Variants in ADGRA2 observed in about 807,000 individuals in gnomAD.
ADGRA2 encodes G-protein coupled receptor 124.
Under a neutral mutation model 98.7 loss-of-function variants are expected in ADGRA2, and 61 were observed. The ratio of observed to expected loss-of-function variants is 0.62; its 90% CI spans 0.50 to 0.76. The LOEUF (loss-of-function observed/expected upper bound fraction) is 0.76. Among genes scored for constraint, ADGRA2 ranks in the 30% least tolerant of loss-of-function variants. The pLI, the probability that ADGRA2 is intolerant of heterozygous loss-of-function variation, is 0.00. For synonymous variants in ADGRA2, 858 were observed against 831.5 expected, an observed-to-expected ratio of 1.03 and a Z score of -0.55; for missense variants, 1,712 against 1,860.0, an observed-to-expected ratio of 0.92 and a Z score of 1.46.
intron 1 of ADGRA2, among the ~76,000 whole-genome samples, chr8:37,801,860 A>G (rs1230742394): frequency 3.9e-5 from 6 of 152,162 alleles, no homozygotes; most frequent in Non-Finnish European, 8.8e-5. Flanking sequence ...GACACAAAAG[A>G]CACTTTAAAA....
At position 37,830,605 on chromosome 8, in the gene ADGRA2, C is replaced by T. The variant is rs1002958878; in HGVS notation, c.719-105C>T. On this transcript the variant is annotated intron_variant, in intron 6 of 18. Coordinates refer to ENST00000412232, the MANE Select transcript of ADGRA2 (RefSeq NM_032777.10). This position sits in a 1 kb window ranked among gnomAD's most constrained non-coding sequence, Gnocchi z 4.8. ...TTCCCAGCTGGAGCAGGCTGCAGGC[C>T]GAGGGCCCCGCCCCGCCCCACCCCA... The T allele has an allele frequency of 4.4e-6, 3 of 681,804 alleles. No individual in the cohort carries two copies. The highest frequency in any genetic ancestry group is 1.7e-5 in the South Asian group (1 of 57,212). 42.2% of individuals were successfully genotyped at this position (681,804 alleles called of 1,614,324 possible). A position where few individuals can be genotyped will look rare whatever the true frequency, so the allele number is the denominator to read the frequency against.
chr8:37,806,674 T>C (rs1013695143), intron 1 of ADGRA2, among the ~76,000 whole-genome samples: 4 of 151,786 alleles, frequency 2.6e-5, no homozygotes, highest in Non-Finnish European at 5.9e-5. Context: ...GGACTACAGA[T>C]GCATGCTACC....
rs907717187 is a variant in ADGRA2, at chr8:37,814,179, A to T, written c.267-717A>T. 2.6e-5 allele frequency among the ~76,000 whole-genome samples: 4 copies of T among 152,140 alleles called. No individual in the cohort carries two copies. Among genetic ancestry groups the T allele is most frequent in the Admixed American group, 6.5e-5 (1 of 15,276 alleles). ...CTGAGTGGGTGGGCGGAGATGAGACACTCGGTCTCTCTCAGTCACTTGGGG... is the reference window on the plus strand; with the variant it reads ...CTGAGTGGGTGGGCGGAGATGAGACTCTCGGTCTCTCTCAGTCACTTGGGG... On this transcript the variant is annotated intron_variant, in intron 1 of 18. Transcript: ENST00000412232. This position sits in a 1 kb window ranked among gnomAD's most constrained non-coding sequence, Gnocchi z 4.3.
At chr8:37,811,175 T>TC (rs1431056532) in intron 1 of ADGRA2, among the ~76,000 whole-genome samples, 1 of 136,654 alleles carries the variant, frequency 7.3e-6, no homozygotes, top group African/African-American at 2.7e-5. Flanking sequence ...TGTGTTTTTT[T>TC]TTTTTTTTTT....
rs1043372230 is a variant in ADGRA2 at position 37,797,312 on chromosome 8, T to TGCTGCTGCC, written c.55_63dup (p.Leu19_Pro21dup). On this transcript the variant is annotated inframe_insertion, in exon 1 of 19. Transcript: ENST00000412232. The surrounding 1 kb of genome is among the most constrained non-coding windows in gnomAD (Gnocchi z 5.3). Reference sequence around the variant, plus strand: ...AGGATGCGGGGGGCGCCCGCGCGCCTGCTGCTGCCGCTGCTGCCGTGGCTC... The same window carrying TGCTGCTGCC: ...AGGATGCGGGGGGCGCCCGCGCGCCTGCTGCTGCCGCTGCTGCCGCTGCTGCCGTGGCTC... 2.0e-5 allele frequency: 27 copies of TGCTGCTGCC among 1,322,794 alleles called. No homozygotes were observed. Among genetic ancestry groups the TGCTGCTGCC allele is most frequent in the African/African-American group, 3.1e-5 (2 of 64,650 alleles). 81.9% of individuals were successfully genotyped at this position (1,322,794 alleles called of 1,614,324 possible).
At chr8:37,817,272 A>C (rs1805007129) in intron 2 of ADGRA2, among the ~76,000 whole-genome samples, 1 of 152,206 alleles carries the variant, frequency 6.6e-6, no homozygotes, top group South Asian at 2.1e-4. Context: ...ATCTGGGACA[A>C]GCTGGAGTAG....
chr8:37,797,158 G>C lies in ADGRA2; in HGVS notation c.-111G>C. The C allele has an allele frequency of 1.2e-6, 1 of 825,134 alleles. No individual in the cohort carries two copies. Among genetic ancestry groups the C allele is most frequent in the Admixed American group, 4.9e-5 (1 of 20,402 alleles). The allele number at this position is 825,134 out of a possible 1,614,324, so 51.1% of individuals were successfully genotyped here. A position where few individuals can be genotyped will look rare whatever the true frequency, so the allele number is the denominator to read the frequency against. ...GCCTCCGCCCAGGGCCCCCCTCCAC[G>C]CCCTCGGGAGCCCCGGGCCCCCGCT... is the stretch of plus-strand genomic sequence containing the variant. On this transcript the variant is annotated 5_prime_UTR_variant, in exon 1 of 19. Transcript: ENST00000412232. The surrounding 1 kb of genome is among the most constrained non-coding windows in gnomAD (Gnocchi z 5.3).
intron 2 of ADGRA2, among the ~76,000 whole-genome samples, chr8:37,817,935 T>C (rs1236409511): frequency 6.6e-6 from 1 of 152,150 alleles, no homozygotes; most frequent in Non-Finnish European, 1.5e-5. Context: ...GGAGAATTGC[T>C]TGAACCCGGG....
At position 37,841,663 on chromosome 8, in the gene ADGRA2, G is replaced by C. The variant is rs541187375; in HGVS notation, c.3325G>C (p.Val1109Leu). 1.3e-6 allele frequency: 2 copies of C among 1,528,824 alleles called. No homozygotes were observed. Among genetic ancestry groups the C allele is most frequent in the Admixed American group, 2.1e-5 (1 of 47,696 alleles). 94.7% of individuals were successfully genotyped at this position (1,528,824 alleles called of 1,614,324 possible). Residue 1109 changes from valine (V) to leucine (L), a missense_variant, in exon 19 of 19, where the codon GTG becomes CTG. Physicochemically the swap from Val to Leu is conservative, Grantham distance 32 (BLOSUM62 1). Coordinates refer to ENST00000412232, the MANE Select transcript of ADGRA2 (RefSeq NM_032777.10). This position sits in a 1 kb window ranked among gnomAD's most constrained non-coding sequence, Gnocchi z 5.0. The stretch of plus-strand genomic sequence containing the variant: ...CGCCGCCGCAGAGGACGGTTCCCCG[G>C]TGTTCGGGGAGGGCCCCCCCTCCCT... Reference protein sequence around the residue: ...LPAAAEDGSPVFGEGPPSLKS... With the variant: ...LPAAAEDGSPLFGEGPPSLKS...
rs553425184 is a variant in ADGRA2 at position 37,814,323 on chromosome 8, T to C, written c.267-573T>C. On this transcript the variant is annotated intron_variant, in intron 1 of 18. Transcript: ENST00000412232. This position sits in a 1 kb window ranked among gnomAD's most constrained non-coding sequence, Gnocchi z 4.3. ...GGCTCCATTGGCTTTCTGCCAAGGCTTCAGAAGGCTTAGGAGGCCAGGATG... is the reference window on the plus strand; with the variant it reads ...GGCTCCATTGGCTTTCTGCCAAGGCCTCAGAAGGCTTAGGAGGCCAGGATG... 1.4e-4 allele frequency among the ~76,000 whole-genome samples: 21 copies of C among 152,284 alleles called. 1 individual carries two copies. In the East Asian group the frequency reaches 4.1e-3, roughly 29 times the overall value.
At chr8:37,810,950 AC>A (rs1312786688) in intron 1 of ADGRA2, among the ~76,000 whole-genome samples, 2 of 140,014 alleles carry the variant, frequency 1.4e-5, no homozygotes, top group African/African-American at 6.4e-5. Flanking sequence ...CCCCGTCTCT[AC>A]TAAAAAAAAA....
intron 1 of ADGRA2, among the ~76,000 whole-genome samples, chr8:37,803,787 C>G (rs1272433793): frequency 6.6e-6 from 1 of 152,052 alleles, no homozygotes; most frequent in Non-Finnish European, 1.5e-5. Flanking sequence ...CCATCTGTCA[C>G]AGAGGAGCAG....
intron 2 of ADGRA2, among the ~76,000 whole-genome samples, chr8:37,815,659 C>T (rs1012347212): frequency 4.6e-5 from 7 of 152,222 alleles, no homozygotes; most frequent in Admixed American, 2.6e-4. Context: ...GATGCAGAAG[C>T]CCTGCCCTCT....
chr8:37,805,692 A>AC (rs1804638375), intron 1 of ADGRA2, among the ~76,000 whole-genome samples: 1 of 151,666 alleles, frequency 6.6e-6, no homozygotes, highest in East Asian at 1.9e-4. Context: ...ACACAGTGAA[A>AC]CCCCGTCTCT....
chr8:37,844,147 C>T lies in ADGRA2; in HGVS notation c.*1792C>T. The T allele has an allele frequency of 3.8e-6, 1 of 263,866 alleles. No individual in the cohort carries two copies. Among genetic ancestry groups the T allele is most frequent in the Non-Finnish European group, 7.4e-6 (1 of 135,800 alleles). 16.3% of individuals were successfully genotyped at this position (263,866 alleles called of 1,614,324 possible). ...ACCACTCCACAAGCAGAGGGAAGCC[C>T]CCTCAGGCCTGCAGGAGGAGCCGCA... On this transcript the variant is annotated 3_prime_UTR_variant, in exon 19 of 19. Transcript: ENST00000412232.
rs201369862 is a variant in ADGRA2 at position 37,841,217 on chromosome 8, C to T, written c.2879C>T (p.Ala960Val). 9 of 1,613,584 alleles carry T rather than the reference C, an allele frequency of 5.6e-6. No individual in the cohort carries two copies. Among genetic ancestry groups the T allele is most frequent in the Non-Finnish European group, 7.6e-6 (9 of 1,180,024 alleles). Residue 960 changes from alanine to valine, a missense_variant, in exon 19 of 19, where the codon GCG becomes GTG. Ala to Val is a moderately conservative substitution (Grantham distance 64). Transcript: ENST00000412232. The surrounding 1 kb of genome is among the most constrained non-coding windows in gnomAD (Gnocchi z 5.0). ...GGTCCTCTGGCACAGAACCCCAAGG[C>T]GGGCAACAGCAGGGCCTCCCTGGAG... Reference protein sequence around the residue: ...LRGPLAQNPKAGNSRASLEAG... With the variant: ...LRGPLAQNPKVGNSRASLEAG...
chr8:37,838,707 G>A (rs1192005788), intron 14 of ADGRA2, among the ~76,000 whole-genome samples: 1 of 151,806 alleles, frequency 6.6e-6, no homozygotes, highest in African/African-American at 2.4e-5. Context: ...CCTCATCTCT[G>A]GTTTTTCAGG....
Position 37,841,284 on chromosome 8 carries a change from C to T in ADGRA2, c.2946C>T (p.Ser982=). The part of the protein sequence containing the change: ...ELRGSTRLRG[S]GPLLSDSGSL... ...GGGGTTCCACCAGGCTCAGGGGCAG[C>T]GGCCCCCTCCTGAGTGACTCAGGTT... is the stretch of plus-strand genomic sequence containing the variant. Residue 982 remains serine (S), a synonymous_variant, in exon 19 of 19, where the codon AGC becomes AGT. Transcript: ENST00000412232. The surrounding 1 kb of genome is among the most constrained non-coding windows in gnomAD (Gnocchi z 5.0). 6.2e-7 allele frequency: 1 copy of T among 1,610,276 alleles called. No individual in the cohort carries two copies. Among genetic ancestry groups the T allele is most frequent in the Non-Finnish European group, 8.5e-7 (1 of 1,178,260 alleles).
intron 1 of ADGRA2, among the ~76,000 whole-genome samples, chr8:37,798,716 A>G (rs1804415058): frequency 6.6e-6 from 1 of 152,242 alleles, no homozygotes; most frequent in African/African-American, 2.4e-5. Context: ...TGTGTCCAGA[A>G]CAATACAGTA....
Sources: gnomAD v4.1 joint callset for allele counts (sites outside exome capture counted in the v4.1 genomes callset) on GRCh38, gnomAD v4.1.1 for gene constraint, Gnocchi (gnomAD v3.1) non-coding constraint, MANE v1.5 for transcripts, NCBI Gene and HGNC (gene_info 2026-07-23, HGNC 2026-07-21) for gene names.